CKAP5: variants seen among roughly 807,000 people sequenced by gnomAD.
CKAP5 encodes the protein cytoskeleton-associated protein 5.
Under a neutral mutation model 232.8 loss-of-function variants are expected in CKAP5, and 27 were observed. That is an observed-to-expected ratio of 0.12 (90% CI 0.09 to 0.16). The LOEUF (loss-of-function observed/expected upper bound fraction) is 0.16, where lower values mean the gene tolerates loss of function less well. Ranked by LOEUF, CKAP5 falls within the 10% of genes least tolerant of loss-of-function variation. CKAP5 has a pLI of 1.00. For synonymous variants in CKAP5, 785 were observed against 841.1 expected (o/e 0.93, Z 1.16); for missense variants, 1,838 against 2,424.7 (o/e 0.76, Z 5.08).
At chr11:46,767,993 G>A (rs1303663633) in intron 26 of CKAP5, among the ~76,000 whole-genome samples, 2 of 151,808 alleles carry the variant, frequency 1.3e-5, no homozygotes, top group South Asian at 2.1e-4. Context: ...ACAGGGTTTC[G>A]CCATGTTGCC....
intron 24 of CKAP5, among the ~76,000 whole-genome samples, chr11:46,775,696 G>A (rs890076754): frequency 5.9e-5 from 9 of 152,024 alleles, no homozygotes; most frequent in African/African-American, 1.7e-4. Flanking sequence ...GCTGGAAACC[G>A]TCATTCTCAG....
intron 18 of CKAP5, 96 bp from the exon 19 acceptor site, chr11:46,780,581 G>A: frequency 1.1e-6 from 1 of 931,760 alleles, no homozygotes; most frequent in Non-Finnish European, 1.7e-6. Flanking sequence ...GGCTCCCTTT[G>A]GCAAAGTTCT....
intron 2 of CKAP5, among the ~76,000 whole-genome samples, chr11:46,819,060 C>T (rs1355956666): frequency 6.6e-6 from 1 of 152,060 alleles, no homozygotes; most frequent in African/African-American, 2.4e-5. Context: ...CAGGAGGGGA[C>T]ATTAAGCTAT....
At chr11:46,816,927 A>G (rs1592478706) in intron 3 of CKAP5, among the ~76,000 whole-genome samples, 1 of 151,400 alleles carries the variant, frequency 6.6e-6, no homozygotes, top group African/African-American at 2.4e-5. Context: ...ACCAAAATGG[A>G]GAAACCTCAT....
chr11:46,789,306 T>C (rs1296452061), intron 15 of CKAP5, among the ~76,000 whole-genome samples: 1 of 152,186 alleles, frequency 6.6e-6, no homozygotes, highest in Non-Finnish European at 1.5e-5. Context: ...AATCACCCGG[T>C]ATATGCCAAA....
At chr11:46,802,691 G>A (rs7101374) in intron 8 of CKAP5, among the ~76,000 whole-genome samples, 99,455 of 151,820 alleles carry the variant, frequency 0.66, 33,884 homozygotes, top group Non-Finnish European at 0.77. Context: ...AATGCCTCCA[G>A]TCTACTTTGA....
rs551984089 is a variant in CKAP5, at chr11:46,762,571, C to A, written c.4027+56G>T. 2.5e-6 allele frequency: 4 copies of A among 1,595,684 alleles called. No homozygotes were observed. The East Asian group carries it at 6.7e-5, about 27-fold the overall frequency. ...TTATTTGTTCATCTATAAACTATTTCTTCTATAGGCTACTGCTGCAGAGAT... is the reference window on the plus strand; with the variant it reads ...TTATTTGTTCATCTATAAACTATTTATTCTATAGGCTACTGCTGCAGAGAT... On this transcript the variant is annotated intron_variant, in intron 31 of 43. Coordinates refer to ENST00000529230, the MANE Select transcript of CKAP5 (RefSeq NM_001008938.4).
At chr11:46,829,480 A>G (rs1364016016) in intron 1 of CKAP5, among the ~76,000 whole-genome samples, 5 of 152,146 alleles carry the variant, frequency 3.3e-5, no homozygotes, top group African/African-American at 9.7e-5. Context: ...AGAAAGAGTG[A>G]GCCAAGAGGG....
chr11:46,816,084 TCCC>T (rs1939392542), intron 4 of CKAP5, 111 bp downstream of exon 4: 5 of 794,426 alleles, frequency 6.3e-6, no homozygotes, highest in Non-Finnish European at 1.0e-5. Context: ...GACCCCCCCA[TCCC>T]CCCAACACAC....
chr11:46,761,163 C>T (rs1387394406), intron 32 of CKAP5, among the ~76,000 whole-genome samples: 19 of 150,582 alleles, frequency 1.3e-4, no homozygotes, highest in Non-Finnish European at 2.8e-4. Flanking sequence ...GTCAGAGGAT[C>T]ACTTGAGCCT....
At chr11:46,798,235 C>T in intron 9 of CKAP5, 63 bp from the exon 10 acceptor site, 1 of 1,142,542 alleles carries the variant, frequency 8.8e-7, no homozygotes, top group Non-Finnish European at 1.3e-6. Flanking sequence ...TTGATATATC[C>T]TAGAACATGG....
At chr11:46,792,413 C>A (rs1026012101) in intron 13 of CKAP5, among the ~76,000 whole-genome samples, 4 of 151,934 alleles carry the variant, frequency 2.6e-5, no homozygotes, top group Admixed American at 1.3e-4. Flanking sequence ...ATTAGCCAGG[C>A]GTGGTGGCAG....
rs1439777776 is a variant in CKAP5 at position 46,762,615 on chromosome 11, TG to T, written c.4027+11del. ...CAGAGATTCACATCTCAGTTTAAAC[TG>T]TTTGCTTCACCTGCTCTCTGCTTAG... On this transcript the variant is annotated intron_variant, in intron 31 of 43. Coordinates refer to ENST00000529230, the MANE Select transcript of CKAP5 (RefSeq NM_001008938.4). 1 of 1,613,928 alleles carries T rather than the reference TG, an allele frequency of 6.2e-7. No homozygotes were observed. The highest frequency in any genetic ancestry group is 1.1e-5 in the South Asian group (1 of 91,034).
chr11:46,816,425 C>T (rs981115355), intron 3 of CKAP5, 21 bp from the exon 4 acceptor site: 1 of 1,600,808 alleles, frequency 6.2e-7, no homozygotes, highest in Non-Finnish European at 8.5e-7. Context: ...TTATAAAGAA[C>T]AAAAATCCCA....
chr11:46,841,997 C>CAA lies in CKAP5; in HGVS notation c.-38+4221_-38+4222dup, dbSNP rs3031699. 4.1e-3 allele frequency among the ~76,000 whole-genome samples: 449 copies of CAA among 109,228 alleles called. 5 individuals carry two copies. Among genetic ancestry groups the CAA allele is most frequent in the East Asian group, 0.015 (56 of 3,712 alleles). 71.7% of individuals were successfully genotyped at this position (109,228 alleles called of 152,430 possible). On this transcript the variant is annotated intron_variant, in intron 1 of 43. Coordinates refer to ENST00000529230, the MANE Select transcript of CKAP5 (RefSeq NM_001008938.4). ...CTGGAGAAAGAGTAAGACTTTGGTT[C>CAA]AAAAAAAAAAAAAAAAAAAAAGCGA...
chr11:46,772,837 G>A (rs185719300), intron 24 of CKAP5, among the ~76,000 whole-genome samples: 2 of 151,998 alleles, frequency 1.3e-5, no homozygotes, highest in African/African-American at 4.8e-5. Context: ...TGCCTCCCGG[G>A]TTCAAGTGAT....
chr11:46,751,278 T>A (rs1405131381), intron 39 of CKAP5, 23 bp from the exon 40 acceptor site: 1 of 1,614,202 alleles, frequency 6.2e-7, no homozygotes, highest in African/African-American at 1.3e-5. Context: ...CATGCATGAC[T>A]GATAGCACTG....
chr11:46,793,842 GCTTGAA>G (rs1938800399), intron 13 of CKAP5, among the ~76,000 whole-genome samples: 1 of 152,064 alleles, frequency 6.6e-6, no homozygotes, highest in Non-Finnish European at 1.5e-5. Flanking sequence ...GCTTGAGGAG[GCTTGAA>G]CCTAGGGGGT....
chr11:46,819,430 A>G (rs923397596), intron 2 of CKAP5, among the ~76,000 whole-genome samples: 6 of 152,174 alleles, frequency 3.9e-5, no homozygotes, highest in African/African-American at 1.4e-4. Flanking sequence ...GATTCCACTC[A>G]TTATTCTAAG....
Sources: gnomAD v4.1 joint callset for allele counts (sites outside exome capture counted in the v4.1 genomes callset) on GRCh38, gnomAD v4.1.1 for gene constraint, MANE v1.5 for transcripts, NCBI Gene and HGNC (gene_info 2026-07-23, HGNC 2026-07-21) for gene names.